STK33: variants seen among roughly 807,000 people sequenced by gnomAD.
The protein encoded by STK33 is serine/threonine-protein kinase 33.
A neutral mutation model predicts 58.0 loss-of-function variants in STK33; 52 were observed. The ratio of observed to expected loss-of-function variants is 0.90; its 90% CI spans 0.72 to 1.13. STK33 has a LOEUF of 1.13. STK33 is among the 50% of genes most tolerant of loss of function. STK33 has a pLI of 0.00. For synonymous variants in STK33, 215 were observed against 200.1 expected, an observed-to-expected ratio of 1.07 and a Z score of -0.63; for missense variants, 630 against 604.2, an observed-to-expected ratio of 1.04 and a Z score of -0.45.
chr11:8,356,932 C>T, the STK33 span, among the ~76,000 whole-genome samples: 21 of 152,306 alleles, frequency 1.4e-4, no homozygotes, highest in Non-Finnish European at 2.5e-4. Flanking sequence ...CCCAAGTTGG[C>T]CCTGAGCTAG....
intron 1 of STK33, among the ~76,000 whole-genome samples, chr11:8,528,165 G>A (rs1001241849): frequency 1.3e-5 from 2 of 152,198 alleles, no homozygotes; most frequent in African/African-American, 2.4e-5. Context: ...AGAGAGTCAG[G>A]AGCATGAGAC....
At chr11:8,584,191 A>G (rs1036292697) in intron 1 of STK33, among the ~76,000 whole-genome samples, 3 of 152,130 alleles carry the variant, frequency 2.0e-5, no homozygotes, top group African/African-American at 4.8e-5. Flanking sequence ...GGACTTTGCT[A>G]TACTTGGAAC....
the STK33 span, among the ~76,000 whole-genome samples, chr11:8,344,526 G>C: frequency 2.0e-5 from 3 of 152,190 alleles, no homozygotes; most frequent in African/African-American, 7.2e-5. Flanking sequence ...TTACAGTTTA[G>C]AGGACTGAGC....
chr11:8,336,496 G>A, the STK33 span, among the ~76,000 whole-genome samples: 1 of 152,216 alleles, frequency 6.6e-6, no homozygotes, highest in Non-Finnish European at 1.5e-5. Flanking sequence ...GCCTTTTTCT[G>A]ACTCACCCAG....
intron 1 of STK33, among the ~76,000 whole-genome samples, chr11:8,574,873 T>A (rs1457447744): frequency 6.6e-6 from 1 of 150,534 alleles, no homozygotes; most frequent in African/African-American, 2.4e-5. Context: ...GCCCCATCTC[T>A]ACAAAAAAAG....
intron 6 of STK33, chr11:8,465,399 C>A (rs1168922991): frequency 3.3e-5 from 5 of 151,470 alleles, no homozygotes; most frequent in Non-Finnish European, 7.4e-5. Context: ...AAAAAAATAA[C>A]CACTACCCAT....
At chr11:8,406,204 A>C (rs1316980825) in intron 15 of STK33, among the ~76,000 whole-genome samples, 1 of 151,014 alleles carries the variant, frequency 6.6e-6, no homozygotes, top group African/African-American at 2.4e-5. Context: ...CTATTTCTAG[A>C]CTCCCAATTT....
Position 8,474,837 on chromosome 11 carries a change from A to C in STK33, c.69T>G (p.Asp23Glu), listed in dbSNP as rs1484735540. Residue 23 changes from aspartate (D) to glutamate (E), a missense_variant, in exon 5 of 16, where the codon GAT becomes GAG. Physicochemically the swap from Asp to Glu is conservative, Grantham distance 45. Coordinates refer to ENST00000687296, the MANE Select transcript of STK33 (RefSeq NM_001352389.2). ...TTTTGCTGGAACATACACAAAGTAC[A>C]TCTTTCTGAGAAGCAGATGAACAGT... The part of the protein sequence containing the change: ...CPDCSSASQK[D>E]VLCVCSSKTR... 2.5e-6 allele frequency: 4 copies of C among 1,611,216 alleles called. No individual in the cohort carries two copies.
intron 9 of STK33, among the ~76,000 whole-genome samples, chr11:8,456,137 A>AT (rs1234225796): frequency 2.0e-5 from 3 of 152,156 alleles, no homozygotes; most frequent in Non-Finnish European, 4.4e-5. Flanking sequence ...TGTTGCTAAG[A>AT]TTTTGTTTGG....
Position 8,435,548 on chromosome 11 carries a change from T to C in STK33, c.1092A>G (p.Val364=). ...TAGCTGTGATTCTGTGAGCAGGATC[T>C]ACTTTCATAAGTTGTTTCAAAACAC... ...AKSVLKQLMK[V]DPAHRITAKE... The change falls in exon 14 of 16, where the codon GTA becomes GTG. Residue 364 remains valine (V), a synonymous_variant. Coordinates refer to ENST00000687296, the MANE Select transcript of STK33 (RefSeq NM_001352389.2). The C allele has an allele frequency of 1.3e-6, 2 of 1,514,084 alleles. No individual in the cohort carries two copies. The highest frequency in any genetic ancestry group is 1.4e-5 in the South Asian group (1 of 70,528). The allele number at this position is 1,514,084 out of a possible 1,614,324, so 93.8% of individuals were successfully genotyped here.
At chr11:8,433,900 C>G (rs567621480) in intron 14 of STK33, 2 of 152,286 alleles carry the variant, frequency 1.3e-5, no homozygotes, top group African/African-American at 4.8e-5. Context: ...CAAGCCACTC[C>G]CCCCCACCCC....
chr11:8,372,858 G>A, the STK33 span, among the ~76,000 whole-genome samples: 1 of 152,234 alleles, frequency 6.6e-6, no homozygotes, highest in Non-Finnish European at 1.5e-5. Flanking sequence ...CTGGGACCCT[G>A]CCACTGACCA....
At chr11:8,460,566 A>G (rs1947394828) in intron 8 of STK33, among the ~76,000 whole-genome samples, 1 of 152,100 alleles carries the variant, frequency 6.6e-6, no homozygotes. Flanking sequence ...ATATCAAGCA[A>G]TCTAACTTGG....
intron 1 of STK33, among the ~76,000 whole-genome samples, chr11:8,567,883 G>A (rs2141058460): frequency 6.6e-6 from 1 of 152,168 alleles, no homozygotes. Context: ...TATTCTTTGG[G>A]CTTATATTAC....
chr11:8,416,477 G>T (rs1245805600), intron 14 of STK33, among the ~76,000 whole-genome samples: 3 of 152,064 alleles, frequency 2.0e-5, no homozygotes, highest in Admixed American at 6.6e-5. Flanking sequence ...TTAAGATTTT[G>T]ACAAAAAGGT....
chr11:8,434,290 T>C (rs761185180), intron 14 of STK33: 43 of 191,884 alleles, frequency 2.2e-4, no homozygotes, highest in Middle Eastern at 4.6e-3. Flanking sequence ...TGCTAATTTA[T>C]ATTTTAAATG....
At chr11:8,513,818 A>G (rs1222239455) in intron 1 of STK33, among the ~76,000 whole-genome samples, 1 of 152,214 alleles carries the variant, frequency 6.6e-6, no homozygotes, top group Admixed American at 6.5e-5. Flanking sequence ...TGTTATAAAC[A>G]ATTCAATTAT....
the STK33 span, among the ~76,000 whole-genome samples, chr11:8,384,110 A>C: frequency 6.6e-6 from 1 of 152,236 alleles, no homozygotes; most frequent in South Asian, 2.1e-4. Flanking sequence ...TATAATAAAG[A>C]AAGTATTTAG....
chr11:8,372,493 A>C, the STK33 span, among the ~76,000 whole-genome samples: 1 of 152,230 alleles, frequency 6.6e-6, no homozygotes, highest in African/African-American at 2.4e-5. Flanking sequence ...CTTTCAGGAA[A>C]ACTCTCACAA....
Sources: allele counts gnomAD v4.1 joint callset (sites outside exome capture counted in the v4.1 genomes callset), GRCh38; gene constraint gnomAD v4.1.1; transcripts MANE v1.5; gene names NCBI Gene and HGNC (gene_info 2026-07-23, HGNC 2026-07-21).